The following RUNX2 variants were observed in gnomAD, a reference collection of about 807,000 sequenced individuals.
RUNX2 encodes the protein runt-related transcription factor 2.
Under a neutral mutation model 51.7 loss-of-function variants are expected in RUNX2, and 10 were observed. The ratio of observed to expected loss-of-function variants is 0.19; its 90% CI spans 0.12 to 0.33. The LOEUF is 0.33. RUNX2 is among the 10% of genes least tolerant of loss of function. The probability of loss-of-function intolerance (pLI) is 1.00; values close to 1 mark genes in which losing one functional copy is unlikely to be tolerated. For synonymous variants in RUNX2, 276 were observed against 273.6 expected, an observed-to-expected ratio of 1.01 and a Z score of -0.09; for missense variants, 562 against 691.3, an observed-to-expected ratio of 0.81 and a Z score of 2.10.
intron 2 of RUNX2, among the ~76,000 whole-genome samples, chr6:45,334,651 C>A (rs1054667460): frequency 6.6e-6 from 1 of 150,958 alleles, no homozygotes; most frequent in Non-Finnish European, 1.5e-5. Context: ...ACTTAAATTT[C>A]TTCTGGCTAT....
At chr6:45,538,290 A>G (rs928307852) in intron 7 of RUNX2, among the ~76,000 whole-genome samples, 1 of 152,190 alleles carries the variant, frequency 6.6e-6, no homozygotes, top group Admixed American at 6.6e-5. Context: ...ATCTTAATTG[A>G]CCACATATGT....
At chr6:45,411,638 A>C (rs985131003) in intron 2 of RUNX2, among the ~76,000 whole-genome samples, 2 of 152,192 alleles carry the variant, frequency 1.3e-5, no homozygotes, top group Admixed American at 1.3e-4. Context: ...CTTTGAAAAA[A>C]AGATATTTAT....
Position 45,478,284 on chromosome 6 carries a change from A to G in RUNX2, c.686-13657A>G, listed in dbSNP as rs76753606. Among the ~76,000 whole-genome samples the G allele has an allele frequency of 6.3e-3, 966 of 152,326 alleles. 9 individuals carry two copies. Among genetic ancestry groups the G allele is most frequent in the African/African-American group, 0.022 (906 of 41,578 alleles). ...TTAGCATAGTTCATGAAACATAATA[A>G]TGCTTAGGATATTTTAATTGATAAG... On this transcript the variant is annotated intron_variant, in intron 5 of 8. Coordinates refer to ENST00000647337, the MANE Select transcript of RUNX2 (RefSeq NM_001024630.4).
intron 3 of RUNX2, among the ~76,000 whole-genome samples, chr6:45,430,280 A>G (rs1021220670): frequency 3.3e-5 from 5 of 152,082 alleles, no homozygotes; most frequent in African/African-American, 1.2e-4. Context: ...GTAGTCATAG[A>G]CCATTAATAT....
At chr6:45,365,084 CTTGA>C (rs1478154305) in intron 2 of RUNX2, 26 of 685,474 alleles carry the variant, frequency 3.8e-5, no homozygotes, top group South Asian at 1.7e-4. Flanking sequence ...TTCATTTTTA[CTTGA>C]TTAATAACAA....
intron 2 of RUNX2, among the ~76,000 whole-genome samples, chr6:45,356,382 A>G (rs1793183403): frequency 6.6e-6 from 1 of 152,098 alleles, no homozygotes; most frequent in African/African-American, 2.4e-5. Flanking sequence ...ACATTGGAAT[A>G]TATCAATTCT....
intron 2 of RUNX2, among the ~76,000 whole-genome samples, chr6:45,330,528 A>T (rs1787257528): frequency 6.6e-6 from 1 of 151,988 alleles, no homozygotes; most frequent in Non-Finnish European, 1.5e-5. Context: ...CAGGAACAAC[A>T]CAAGTTTCAA....
At chr6:45,519,790 A>ATGTGTGTGTG (rs35210688) in intron 7 of RUNX2, among the ~76,000 whole-genome samples, 10 of 124,086 alleles carry the variant, frequency 8.1e-5, no homozygotes, top group Admixed American at 4.3e-4. Flanking sequence ...ATATATATAT[A>ATGTGTGTGTG]TGTGTGTGTG....
intron 2 of RUNX2, among the ~76,000 whole-genome samples, chr6:45,419,658 C>T (rs1798136802): frequency 6.6e-6 from 1 of 152,172 alleles, no homozygotes; most frequent in Non-Finnish European, 1.5e-5. Context: ...GCAGGGGACG[C>T]GGCGGTGCCC....
Position 45,432,036 on chromosome 6 carries a change from T to C in RUNX2, c.580+17T>C, listed in dbSNP as rs781755552. ...GTGGACGAGGTAGGTCTCTGACTTT[T>C]GATACTGATAATAGAATAAGCACAT... On this transcript the variant is annotated intron_variant, in intron 4 of 8. Transcript: ENST00000647337. The C allele has an allele frequency of 6.2e-6, 10 of 1,612,876 alleles. No individual in the cohort carries two copies. Among genetic ancestry groups the C allele is most frequent in the Non-Finnish European group, 7.6e-6 (9 of 1,179,094 alleles).
chr6:45,403,971 G>A (rs1452768600), intron 2 of RUNX2, among the ~76,000 whole-genome samples: 1 of 151,978 alleles, frequency 6.6e-6, no homozygotes, highest in Non-Finnish European at 1.5e-5. Context: ...AAAAAGATGA[G>A]GGAGTAGGCC....
At chr6:45,478,653 TG>T (rs1445416318) in intron 5 of RUNX2, among the ~76,000 whole-genome samples, 228 of 152,088 alleles carry the variant, frequency 1.5e-3, no homozygotes, top group Non-Finnish European at 2.5e-3. Flanking sequence ...TGTGTGTGTG[TG>T]TGTGTGTGTA....
intron 2 of RUNX2, among the ~76,000 whole-genome samples, chr6:45,352,595 C>A (rs889330174): frequency 6.6e-6 from 1 of 152,054 alleles, no homozygotes; most frequent in Non-Finnish European, 1.5e-5. Flanking sequence ...GAACAAAGTA[C>A]ATTTTATGCT....
intron 2 of RUNX2, among the ~76,000 whole-genome samples, chr6:45,359,948 G>A (rs1052853192): frequency 3.9e-5 from 6 of 152,160 alleles, no homozygotes; most frequent in Non-Finnish European, 8.8e-5. Flanking sequence ...GTTGAGGCAG[G>A]AGGATCACCT....
intron 5 of RUNX2, among the ~76,000 whole-genome samples, chr6:45,455,234 A>C (rs1295914577): frequency 2.0e-5 from 3 of 152,270 alleles, no homozygotes; most frequent in Non-Finnish European, 4.4e-5. Context: ...TTATTTGTAC[A>C]ATAGCATCTT....
chr6:45,407,155 G>C (rs991839286), intron 2 of RUNX2, among the ~76,000 whole-genome samples: 1 of 152,054 alleles, frequency 6.6e-6, no homozygotes, highest in Admixed American at 6.6e-5. Context: ...TCACTCTGGA[G>C]TGCAGTAGTG....
intron 7 of RUNX2, among the ~76,000 whole-genome samples, chr6:45,527,522 T>C (rs1266900277): frequency 6.6e-6 from 1 of 152,160 alleles, no homozygotes; most frequent in Non-Finnish European, 1.5e-5. Context: ...GCTGGTATCA[T>C]CAAAATGCTT....
chr6:45,443,036 CTTTTTT>C (rs10564853), intron 5 of RUNX2, among the ~76,000 whole-genome samples: 2 of 52,170 alleles, frequency 3.8e-5, no homozygotes, highest in African/African-American at 9.5e-5. Flanking sequence ...TCAGGCCTTG[CTTTTTT>C]TTTTTTTTTT....
chr6:45,481,427 G>A (rs929377153), intron 5 of RUNX2, among the ~76,000 whole-genome samples: 6 of 152,192 alleles, frequency 3.9e-5, no homozygotes, highest in African/African-American at 1.4e-4. Flanking sequence ...ACTGTGGTAT[G>A]TGTGAACATG....
Sources: gnomAD v4.1 joint callset for allele counts (sites outside exome capture counted in the v4.1 genomes callset) on GRCh38, gnomAD v4.1.1 for gene constraint, MANE v1.5 for transcripts, NCBI Gene and HGNC (gene_info 2026-07-23, HGNC 2026-07-21) for gene names.